The following STRBP variants were observed in gnomAD, a reference collection of about 807,000 sequenced individuals.
STRBP encodes the protein spermatid perinuclear RNA-binding protein.
Under a neutral mutation model 80.1 loss-of-function variants are expected in STRBP, and 13 were observed. The ratio of observed to expected loss-of-function variants is 0.16; its 90% CI spans 0.11 to 0.26. The LOEUF is 0.26. Ranked by LOEUF, STRBP falls within the 10% of genes least tolerant of loss-of-function variation. STRBP has a pLI of 1.00. For missense variants in STRBP, 485 were observed against 815.2 expected (o/e 0.59, Z 4.93); for synonymous variants, 284 against 291.2 (o/e 0.98, Z 0.25).
intron 1 of STRBP, among the ~76,000 whole-genome samples, chr9:123,258,558 C>T (rs2041086186): frequency 1.3e-5 from 2 of 152,158 alleles, no homozygotes; most frequent in Admixed American, 1.3e-4. Flanking sequence ...AATCCCAGCA[C>T]TTTGGGAGGC....
Position 123,122,175 on chromosome 9 carries a change from G to T in STRBP, c.*3422C>A. ...AATTGACTATTTTTCTCTTTAATCA[G>T]AAAATAAAAGAGCTTACCTTTGTAT... On this transcript the variant is annotated 3_prime_UTR_variant, in exon 19 of 19. Coordinates refer to ENST00000348403, the MANE Select transcript of STRBP (RefSeq NM_018387.5). The T allele has an allele frequency of 2.3e-6, 1 of 426,094 alleles. No homozygotes were observed. Among genetic ancestry groups the T allele is most frequent in the Non-Finnish European group, 3.7e-6 (1 of 270,674 alleles). 26.4% of individuals were successfully genotyped at this position (426,094 alleles called of 1,614,324 possible).
intron 12 of STRBP, among the ~76,000 whole-genome samples, 178 bp downstream of exon 12, chr9:123,147,600 C>T (rs2036869230): frequency 1.3e-5 from 2 of 151,020 alleles, no homozygotes; most frequent in Admixed American, 1.3e-4. Flanking sequence ...ATCACTTGAG[C>T]CCAGGAGGTG....
chr9:123,175,145 T>C (rs2038167099), intron 4 of STRBP, among the ~76,000 whole-genome samples: 1 of 152,202 alleles, frequency 6.6e-6, no homozygotes, highest in African/African-American at 2.4e-5. Flanking sequence ...AGTTAATTGT[T>C]CAAGTTCACC....
intron 1 of STRBP, among the ~76,000 whole-genome samples, chr9:123,267,061 TTTCC>T (rs1192392626): frequency 3.3e-5 from 5 of 149,966 alleles, no homozygotes; most frequent in African/African-American, 1.2e-4. Flanking sequence ...CTCAGAAATC[TTTCC>T]TTCCATTTGT....
At chr9:123,133,961 A>G (rs148958153) in intron 16 of STRBP, among the ~76,000 whole-genome samples, 1 of 152,324 alleles carries the variant, frequency 6.6e-6, no homozygotes, top group Non-Finnish European at 1.5e-5. Context: ...TGTTTTCCTT[A>G]GAGTTGAAAC....
intron 2 of STRBP, among the ~76,000 whole-genome samples, chr9:123,199,788 A>G (rs1390022350): frequency 6.6e-6 from 1 of 152,156 alleles, no homozygotes; most frequent in African/African-American, 2.4e-5. Context: ...ATGACTTTCT[A>G]GCCATACAAT....
At chr9:123,193,223 C>T (rs971238073) in intron 2 of STRBP, among the ~76,000 whole-genome samples, 1 of 152,052 alleles carries the variant, frequency 6.6e-6, no homozygotes, top group South Asian at 2.1e-4. Context: ...CTATTATCTC[C>T]ACAGCACCTA....
chr9:123,185,287 C>T (rs1564277603), intron 2 of STRBP, among the ~76,000 whole-genome samples: 1 of 152,064 alleles, frequency 6.6e-6, no homozygotes, highest in Non-Finnish European at 1.5e-5. Flanking sequence ...AGCAGTTAGG[C>T]CAAGTGAGGT....
At chr9:123,240,927 C>T (rs146337462) in intron 1 of STRBP, among the ~76,000 whole-genome samples, 2,156 of 152,296 alleles carry the variant, frequency 0.014, 53 homozygotes, top group African/African-American at 0.049. Context: ...CACCTGTAAT[C>T]CCAGCACTTT....
chr9:123,124,641 G>A lies in STRBP; in HGVS notation c.*956C>T, dbSNP rs766244835. The A allele has an allele frequency of 4.1e-4, 402 of 985,246 alleles. 1 individual carries two copies. The highest frequency in any genetic ancestry group is 4.7e-4 in the Non-Finnish European group (394 of 829,916). The allele number at this position is 985,246 out of a possible 1,614,324, so 61.0% of individuals were successfully genotyped here. On this transcript the variant is annotated 3_prime_UTR_variant, in exon 19 of 19. Transcript: ENST00000348403. ...CAGCAAAATCACTAATCTTCTATCT[G>A]CATGAAAAAAGCCAGGGAGTGAACA...
chr9:123,182,217 T>TAAAAAA (rs10546358), intron 3 of STRBP, among the ~76,000 whole-genome samples: 2 of 69,760 alleles, frequency 2.9e-5, no homozygotes, highest in Admixed American at 1.6e-4. Context: ...TCCGTTTCTT[T>TAAAAAA]AAAAAAAAAA....
In STRBP at chr9:123,126,217, T is replaced by G. The variant is rs2035887709; in HGVS notation, c.1943-544A>C. On this transcript the variant is annotated intron_variant, in intron 18 of 18. Transcript: ENST00000348403. The surrounding 1 kb of genome is among the most constrained non-coding windows in gnomAD (Gnocchi z 4.4). ...TCTTGTGGCCTCACAGACTTCTGCATAGTCGAGCATGATTTGAAATCTGCT... is the reference window on the plus strand; with the variant it reads ...TCTTGTGGCCTCACAGACTTCTGCAGAGTCGAGCATGATTTGAAATCTGCT... Among the ~76,000 whole-genome samples the G allele has an allele frequency of 6.6e-6, 1 of 152,266 alleles. No individual in the cohort carries two copies. The highest frequency in any genetic ancestry group is 2.4e-5 in the African/African-American group (1 of 41,472).
At chr9:123,263,887 G>A (rs1475130086) in intron 1 of STRBP, among the ~76,000 whole-genome samples, 1 of 152,144 alleles carries the variant, frequency 6.6e-6, no homozygotes, top group African/African-American at 2.4e-5. Flanking sequence ...TCTGATATAA[G>A]AATTGAATTT....
At chr9:123,266,290 A>C (rs527936082) in intron 1 of STRBP, among the ~76,000 whole-genome samples, 18 of 151,728 alleles carry the variant, frequency 1.2e-4, no homozygotes, top group African/African-American at 3.4e-4. Context: ...GCTCTCCCTT[A>C]CCCCTTCCCC....
chr9:123,136,572 T>G lies in STRBP; in HGVS notation c.1498-57A>C. 6.3e-7 allele frequency: 1 copy of G among 1,578,072 alleles called. No homozygotes were observed. The highest frequency in any genetic ancestry group is 1.2e-5 in the South Asian group (1 of 85,574). The stretch of plus-strand genomic sequence containing the variant: ...CAAGTAAGATTTTAGAATATTACAT[T>G]TCTTATTAATACAATTATGCTAAGA... On this transcript the variant is annotated intron_variant, in intron 14 of 18. Transcript: ENST00000348403. This position sits in a 1 kb window ranked among gnomAD's most constrained non-coding sequence, Gnocchi z 4.2.
At chr9:123,194,913 G>A (rs1042528783) in intron 2 of STRBP, among the ~76,000 whole-genome samples, 7 of 152,082 alleles carry the variant, frequency 4.6e-5, no homozygotes, top group African/African-American at 1.7e-4. Context: ...AGTGCCTCAA[G>A]ACTCAGCCCT....
intron 2 of STRBP, among the ~76,000 whole-genome samples, chr9:123,226,421 A>T (rs2132567197): frequency 6.6e-6 from 1 of 152,360 alleles, no homozygotes; most frequent in East Asian, 1.9e-4. Flanking sequence ...AATGGCCAGA[A>T]ATCTTCCTCA....
chr9:123,122,254 A>G lies in STRBP; in HGVS notation c.*3343T>C. The stretch of plus-strand genomic sequence containing the variant: ...TCTCAGCCTATTTTATACAAGTGAT[A>G]TGGCTACGAAGGTCCGAGGAGAACG... On this transcript the variant is annotated 3_prime_UTR_variant, in exon 19 of 19. Transcript: ENST00000348403. 9.0e-7 allele frequency: 1 copy of G among 1,116,336 alleles called. No individual in the cohort carries two copies. The highest frequency in any genetic ancestry group is 1.2e-6 in the Non-Finnish European group (1 of 831,932). 69.2% of individuals were successfully genotyped at this position (1,116,336 alleles called of 1,614,324 possible). A position where few individuals can be genotyped will look rare whatever the true frequency, so the allele number is the denominator to read the frequency against.
At chr9:123,132,747 T>C in intron 17 of STRBP, 98 bp downstream of exon 17, 2 of 1,492,312 alleles carry the variant, frequency 1.3e-6, no homozygotes, top group Non-Finnish European at 1.8e-6. Context: ...TGTGTTATAT[T>C]TCCACAAACC....
Sources: allele counts gnomAD v4.1 joint callset (sites outside exome capture counted in the v4.1 genomes callset), GRCh38; gene constraint gnomAD v4.1.1; non-coding constraint Gnocchi (gnomAD v3.1); transcripts MANE v1.5; gene names NCBI Gene and HGNC (gene_info 2026-07-23, HGNC 2026-07-21).